Variants in GLCCI1 observed in about 807,000 individuals in gnomAD.
The protein encoded by GLCCI1 is glucocorticoid induced 1.
In GLCCI1, 24 loss-of-function variants were observed where a neutral mutation model predicts 52.2. That is an observed-to-expected ratio of 0.46 (90% CI 0.33 to 0.65). The LOEUF (loss-of-function observed/expected upper bound fraction) is 0.65, where lower values mean the gene tolerates loss of function less well. Among genes scored for constraint, GLCCI1 ranks in the 30% least tolerant of loss-of-function variants. The pLI is 0.02. For synonymous variants in GLCCI1, 310 were observed against 276.5 expected (o/e 1.12, Z -1.20); for missense variants, 704 against 701.5 (o/e 1.00, Z -0.04).
chr7:8,075,758 C>T (rs937143244), intron 6 of GLCCI1, among the ~76,000 whole-genome samples: 1 of 152,162 alleles, frequency 6.6e-6, no homozygotes, highest in Admixed American at 6.5e-5. Context: ...TCGTTTGATT[C>T]AGGCCAACTA....
At chr7:8,039,518 T>C (rs549998128) in intron 3 of GLCCI1, among the ~76,000 whole-genome samples, 6 of 152,310 alleles carry the variant, frequency 3.9e-5, no homozygotes, top group Non-Finnish European at 7.3e-5. Context: ...GGCATTATCT[T>C]AAATGAAATA....
chr7:8,042,114 T>G (rs1038206114), intron 3 of GLCCI1, among the ~76,000 whole-genome samples: 12 of 152,214 alleles, frequency 7.9e-5, no homozygotes, highest in Non-Finnish European at 1.5e-4. Context: ...TTACTGCTTA[T>G]TGACAATTTG....
At chr7:8,026,674 G>C (rs1035593287) in intron 3 of GLCCI1, among the ~76,000 whole-genome samples, 2 of 152,250 alleles carry the variant, frequency 1.3e-5, no homozygotes, top group Admixed American at 1.3e-4. Context: ...CCATATCACA[G>C]TGAAGAATAA....
chr7:8,005,323 T>C (rs901535913), intron 2 of GLCCI1, among the ~76,000 whole-genome samples: 8 of 152,114 alleles, frequency 5.3e-5, no homozygotes, highest in African/African-American at 1.9e-4. Context: ...GAAGGTCAAG[T>C]GATGGAGGAC....
chr7:8,033,999 A>G (rs558680612), intron 3 of GLCCI1, among the ~76,000 whole-genome samples: 5 of 152,290 alleles, frequency 3.3e-5, no homozygotes, highest in Admixed American at 2.6e-4. Context: ...CACTATTTCA[A>G]TGTTTCCTGT....
intron 1 of GLCCI1, among the ~76,000 whole-genome samples, chr7:7,998,759 T>C (rs1780995369): frequency 6.6e-6 from 1 of 152,306 alleles, no homozygotes; most frequent in East Asian, 1.9e-4. Flanking sequence ...TGTTTAAATT[T>C]ATTAGATCTA....
chr7:7,992,691 T>C (rs888813245), intron 1 of GLCCI1, among the ~76,000 whole-genome samples: 13 of 152,110 alleles, frequency 8.5e-5, no homozygotes, highest in Non-Finnish European at 1.6e-4. Context: ...CTTGAGGGAC[T>C]CCTGTTACAC....
At chr7:7,977,299 CTGAA>C (rs1780512057) in intron 1 of GLCCI1, among the ~76,000 whole-genome samples, 1 of 152,134 alleles carries the variant, frequency 6.6e-6, no homozygotes, top group Non-Finnish European at 1.5e-5. Flanking sequence ...GAGAATAAGA[CTGAA>C]TGAGTATTGA....
At chr7:8,047,640 C>T (rs534585621) in intron 3 of GLCCI1, among the ~76,000 whole-genome samples, 6 of 152,280 alleles carry the variant, frequency 3.9e-5, no homozygotes, top group South Asian at 2.1e-4. Flanking sequence ...TTGTGTAAAG[C>T]ATCTACAATT....
At chr7:8,083,967 C>T (rs1241058249) in intron 6 of GLCCI1, among the ~76,000 whole-genome samples, 1 of 152,074 alleles carries the variant, frequency 6.6e-6, no homozygotes, top group East Asian at 1.9e-4. Context: ...TGCTATCTTC[C>T]CAATAGATGA....
At chr7:7,975,788 GAGAGAAATCCTTGTTTCTGAGAT>G (rs1780455007) in intron 1 of GLCCI1, among the ~76,000 whole-genome samples, 1 of 151,846 alleles carries the variant, frequency 6.6e-6, no homozygotes, top group African/African-American at 2.4e-5. Context: ...GTGTGTGAGA[GAGAGAAATCCTTGTTTCTGAGAT>G]AGAGAGAGAA....
intron 2 of GLCCI1, among the ~76,000 whole-genome samples, chr7:8,014,293 G>A (rs1367023248): frequency 2.6e-5 from 4 of 152,130 alleles, no homozygotes; most frequent in Non-Finnish European, 4.4e-5. Flanking sequence ...CACTGTACCC[G>A]GCTGCCTTGG....
intron 1 of GLCCI1, among the ~76,000 whole-genome samples, chr7:7,992,634 A>T (rs895636959): frequency 6.6e-6 from 1 of 152,064 alleles, no homozygotes; most frequent in East Asian, 1.9e-4. Context: ...GGAGAGTTTT[A>T]AAAATTATAG....
At chr7:8,072,980 CTTACATCAT>C (rs1333989893) in intron 6 of GLCCI1, among the ~76,000 whole-genome samples, 2 of 152,258 alleles carry the variant, frequency 1.3e-5, no homozygotes, top group Non-Finnish European at 2.9e-5. Flanking sequence ...CAGGTCTTCA[CTTACATCAT>C]AAGTTTCAAA....
chr7:7,978,723 T>C (rs952559924), intron 1 of GLCCI1, among the ~76,000 whole-genome samples: 4 of 152,152 alleles, frequency 2.6e-5, no homozygotes, highest in Admixed American at 6.5e-5. Flanking sequence ...TAGTTAAATA[T>C]ATCAGTTGTA....
At chr7:8,002,816 T>C (rs1346979634) in intron 1 of GLCCI1, among the ~76,000 whole-genome samples, 1 of 152,238 alleles carries the variant, frequency 6.6e-6, no homozygotes, top group Non-Finnish European at 1.5e-5. Context: ...CCTCTATAGT[T>C]ATCTGTGTAG....
chr7:8,080,938 ATGT>A (rs1159058448), intron 6 of GLCCI1, among the ~76,000 whole-genome samples: 1 of 151,176 alleles, frequency 6.6e-6, no homozygotes, highest in Non-Finnish European at 1.5e-5. Context: ...CCTCCCTAAA[ATGT>A]TGTGGTTACA....
At chr7:8,076,459 CCTGT>C (rs2127966788) in intron 6 of GLCCI1, among the ~76,000 whole-genome samples, 1 of 152,242 alleles carries the variant, frequency 6.6e-6, no homozygotes, top group African/African-American at 2.4e-5. Flanking sequence ...GGTCATTTTA[CCTGT>C]CTTTCAAGAA....
chr7:7,969,958 G>A lies in GLCCI1; in HGVS notation c.457+151G>A. The stretch of plus-strand genomic sequence containing the variant: ...AATCTCACCCCCCTGCGGTCGCTGT[G>A]GGGCTTGGAGGAGCGAACTGAAAAG... On this transcript the variant is annotated intron_variant, in intron 1 of 7. Transcript: ENST00000223145. This position sits in a 1 kb window ranked among gnomAD's most constrained non-coding sequence, Gnocchi z 4.9. The A allele has an allele frequency of 9.5e-7, 1 of 1,055,292 alleles. No individual in the cohort carries two copies. Among genetic ancestry groups the A allele is most frequent in the Non-Finnish European group, 1.2e-6 (1 of 856,992 alleles). The allele number at this position is 1,055,292 out of a possible 1,614,324, so 65.4% of individuals were successfully genotyped here.
Sources: gnomAD v4.1 joint callset for allele counts (sites outside exome capture counted in the v4.1 genomes callset) on GRCh38, gnomAD v4.1.1 for gene constraint, Gnocchi (gnomAD v3.1) non-coding constraint, MANE v1.5 for transcripts, NCBI Gene and HGNC (gene_info 2026-07-23, HGNC 2026-07-21) for gene names.